Variants in BCHE observed in about 807,000 individuals in gnomAD.
BCHE encodes the protein butyrylcholinesterase, also known as cholinesterase.
In BCHE, 48 loss-of-function variants were observed where a neutral mutation model predicts 51.3. The ratio of observed to expected loss-of-function variants is 0.94; its 90% CI spans 0.74 to 1.19. The LOEUF is 1.19. BCHE is among the 50% of genes most tolerant of loss of function. The probability of loss-of-function intolerance (pLI) is 0.00; values close to 1 mark genes in which losing one functional copy is unlikely to be tolerated. For missense variants in BCHE, 847 were observed against 708.2 expected (o/e 1.20, Z -2.23); for synonymous variants, 251 against 238.0 (o/e 1.05, Z -0.50).
In BCHE at chr3:165,829,984, A is replaced by G. The variant is rs1449709371; in HGVS notation, c.1050T>C (p.Asn350=). 6.2e-7 allele frequency: 1 copy of G among 1,613,790 alleles called. No individual in the cohort carries two copies. Among genetic ancestry groups the G allele is most frequent in the Admixed American group, 1.7e-5 (1 of 59,888 alleles). Residue 350 remains asparagine, a synonymous_variant, in exon 2 of 4, where the codon AAT becomes AAC. Coordinates refer to ENST00000264381, the MANE Select transcript of BCHE (RefSeq NM_000055.4). The stretch of plus-strand genomic sequence containing the variant: ...CTAAAAAAGCTGTCCCTTCATCTTT[A>G]TTAACACCCACCAAAATCTGGGTTT... ...FKKTQILVGV[N]KDEGTAFLVY... is the part of the protein sequence containing the mutation.
intron 2 of BCHE, among the ~76,000 whole-genome samples, chr3:165,826,721 C>T (rs1714735970): frequency 6.6e-6 from 1 of 152,098 alleles, no homozygotes; most frequent in Non-Finnish European, 1.5e-5. Context: ...AACTTGAAAA[C>T]TCATTTTCCT....
At chr3:165,801,522 A>G (rs2108214375) in intron 2 of BCHE, among the ~76,000 whole-genome samples, 1 of 152,294 alleles carries the variant, frequency 6.6e-6, no homozygotes, top group South Asian at 2.1e-4. Context: ...ATTATGAAAT[A>G]TGGAACAAAG....
intron 2 of BCHE, among the ~76,000 whole-genome samples, chr3:165,807,794 C>A (rs1713924320): frequency 6.6e-6 from 1 of 151,802 alleles, no homozygotes; most frequent in South Asian, 2.1e-4. Flanking sequence ...GAACTCCTGA[C>A]CTCAAGTGGC....
At chr3:165,792,803 G>A (rs1411870116) in intron 2 of BCHE, among the ~76,000 whole-genome samples, 3 of 152,126 alleles carry the variant, frequency 2.0e-5, no homozygotes, top group African/African-American at 7.2e-5. Flanking sequence ...GTATGTATGT[G>A]TATTGCAATA....
At chr3:165,809,859 A>C (rs1202859696) in intron 2 of BCHE, among the ~76,000 whole-genome samples, 2 of 152,100 alleles carry the variant, frequency 1.3e-5, no homozygotes, top group Admixed American at 6.6e-5. Context: ...GTCTTAGTTA[A>C]ATTTCTTCAA....
At chr3:165,804,674 G>C (rs1713806955) in intron 2 of BCHE, among the ~76,000 whole-genome samples, 1 of 152,170 alleles carries the variant, frequency 6.6e-6, no homozygotes. Flanking sequence ...AGCTGTGCAA[G>C]TAGAGAAGAA....
Position 165,804,104 on chromosome 3 carries a change from AAG to A in BCHE, c.1518-17795_1518-17794del, listed in dbSNP as rs1182011477. Among the ~76,000 whole-genome samples the A allele has an allele frequency of 4.6e-5, 7 of 152,276 alleles. No individual in the cohort carries two copies. The South Asian group carries it at 1.0e-3, about 23-fold the overall frequency. On this transcript the variant is annotated intron_variant, in intron 2 of 3. Transcript: ENST00000264381. Reference sequence around the variant, plus strand: ...TTCTGGGTTTCCATGACTCCACTGAAAGAGATGCTTCAAGGAGGAGAGAGACT... The same window carrying A: ...TTCTGGGTTTCCATGACTCCACTGAAAGATGCTTCAAGGAGGAGAGAGACT...
chr3:165,776,641 A>G (rs1043498584), intron 3 of BCHE, among the ~76,000 whole-genome samples: 2 of 151,840 alleles, frequency 1.3e-5, no homozygotes, highest in African/African-American at 2.4e-5. Flanking sequence ...AAAGAACCCT[A>G]ACTTGTAGAA....
At chr3:165,784,280 A>T (rs935881638) in intron 3 of BCHE, among the ~76,000 whole-genome samples, 1 of 151,970 alleles carries the variant, frequency 6.6e-6, no homozygotes, top group African/African-American at 2.4e-5. Flanking sequence ...CACACTATTT[A>T]TTTATAAAAC....
At chr3:165,776,895 C>T (rs1340516059) in intron 3 of BCHE, among the ~76,000 whole-genome samples, 1 of 151,492 alleles carries the variant, frequency 6.6e-6, no homozygotes, top group East Asian at 1.9e-4. Flanking sequence ...ATAATATCAA[C>T]AATAGGTCAC....
In BCHE at chr3:165,830,086, T is replaced by G. The variant is rs1428350847; in HGVS notation, c.948A>C (p.Val316=). ...CACCATCCACGGTCGGACCAAAGTT[T>G]ACTGACAAAGGAGTCCCATAGGGGA... ...FVVPYGTPLS[V]NFGPTVDGDF... is the part of the protein sequence containing the mutation. Residue 316 remains valine, a synonymous_variant, in exon 2 of 4, where the codon GTA becomes GTC. Coordinates refer to ENST00000264381, the MANE Select transcript of BCHE (RefSeq NM_000055.4). The G allele has an allele frequency of 1.2e-6, 2 of 1,613,688 alleles. No individual in the cohort carries two copies. Among genetic ancestry groups the G allele is most frequent in the Non-Finnish European group, 1.7e-6 (2 of 1,179,864 alleles).
chr3:165,825,019 T>C (rs138281103), intron 2 of BCHE, among the ~76,000 whole-genome samples: 574 of 152,160 alleles, frequency 3.8e-3, no homozygotes, highest in Non-Finnish European at 4.8e-3. Flanking sequence ...ACTGTTTTTT[T>C]TTCAAATCAA....
At chr3:165,811,503 G>A (rs1410805298) in intron 2 of BCHE, among the ~76,000 whole-genome samples, 1 of 151,898 alleles carries the variant, frequency 6.6e-6, no homozygotes, top group East Asian at 1.9e-4. Flanking sequence ...CATAAGGGAG[G>A]TTTTGCATGA....
intron 2 of BCHE, among the ~76,000 whole-genome samples, chr3:165,797,349 T>C (rs1576847589): frequency 1.1e-5 from 1 of 91,082 alleles, no homozygotes; most frequent in African/African-American, 4.5e-5. Flanking sequence ...CCCTCCAGTC[T>C]CTCCTTTCTT....
chr3:165,808,384 A>T (rs1225204464), intron 2 of BCHE, among the ~76,000 whole-genome samples: 3 of 152,084 alleles, frequency 2.0e-5, no homozygotes, highest in Non-Finnish European at 4.4e-5. Context: ...GATTTATTTT[A>T]ATATGTCAAA....
chr3:165,809,823 A>T (rs1694298546), intron 2 of BCHE, among the ~76,000 whole-genome samples: 1 of 152,084 alleles, frequency 6.6e-6, no homozygotes, highest in African/African-American at 2.4e-5. Context: ...GCAGCAGCTC[A>T]CTTTAAGGAT....
chr3:165,794,165 T>A (rs1465215781), intron 2 of BCHE, among the ~76,000 whole-genome samples: 1 of 152,176 alleles, frequency 6.6e-6, no homozygotes, highest in African/African-American at 2.4e-5. Flanking sequence ...ATTACAGCAA[T>A]TTAATATTAA....
chr3:165,781,067 C>A (rs1400381231), intron 3 of BCHE, among the ~76,000 whole-genome samples: 1 of 151,964 alleles, frequency 6.6e-6, no homozygotes, highest in Non-Finnish European at 1.5e-5. Flanking sequence ...CATGGAGAAA[C>A]CCTGTCTATA....
At chr3:165,819,261 T>C (rs1017492639) in intron 2 of BCHE, among the ~76,000 whole-genome samples, 1 of 10,450 alleles carries the variant, frequency 9.6e-5, no homozygotes, top group African/African-American at 7.0e-4. Context: ...GTATTCTTAG[T>C]AGAGATGGGG....
Sources: allele counts gnomAD v4.1 joint callset (sites outside exome capture counted in the v4.1 genomes callset), GRCh38; gene constraint gnomAD v4.1.1; transcripts MANE v1.5; gene names NCBI Gene and HGNC (gene_info 2026-07-23, HGNC 2026-07-21).